The following TATDN2 variants were observed in gnomAD, a reference collection of about 807,000 sequenced individuals.
TATDN2 encodes TatD DNase domain containing 2.
In TATDN2, 44 loss-of-function variants were observed where a neutral mutation model predicts 60.3. That is an observed-to-expected ratio of 0.73 (90% CI 0.57 to 0.94). The LOEUF (loss-of-function observed/expected upper bound fraction) is 0.94. Among genes scored for constraint, TATDN2 ranks in the 40% least tolerant of loss-of-function variants. The pLI is 0.00. For synonymous variants in TATDN2, 399 were observed against 355.8 expected (o/e 1.12, Z -1.37); for missense variants, 997 against 948.0 (o/e 1.05, Z -0.68).
intron 2 of TATDN2, among the ~76,000 whole-genome samples, chr3:10,258,115 A>T (rs1462954320): frequency 6.6e-6 from 1 of 151,482 alleles, no homozygotes; most frequent in Non-Finnish European, 1.5e-5. Flanking sequence ...AAGTGCTGGG[A>T]TTACAGACAT....
Position 10,249,285 on chromosome 3 carries a change from C to A in TATDN2, c.85C>A (p.Pro29Thr). 2 of 1,598,924 alleles carry A rather than the reference C, an allele frequency of 1.3e-6. No individual in the cohort carries two copies. The highest frequency in any genetic ancestry group is 1.7e-6 in the Non-Finnish European group (2 of 1,170,624). ...CCGCAAGCGCAGCTGCCTCCGGGAG[C>A]CCTGTGATGTGGCCCCCTCCAGCCG... ...CPRKRSCLREPCDVAPSSRPA... is the reference protein window; with the variant it reads ...CPRKRSCLRETCDVAPSSRPA... The change falls in exon 2 of 8, where the codon CCC becomes ACC. Residue 29 changes from proline to threonine, a missense_variant. By Grantham distance (38) the Pro-to-Thr change is conservative. Coordinates refer to ENST00000448281, the MANE Select transcript of TATDN2 (RefSeq NM_014760.4).
intron 3 of TATDN2, among the ~76,000 whole-genome samples, chr3:10,261,993 T>A (rs1308390264): frequency 2.0e-5 from 3 of 152,244 alleles, no homozygotes; most frequent in Non-Finnish European, 4.4e-5. Flanking sequence ...CCTTGTATAC[T>A]CTGATCACAT....
intron 2 of TATDN2, among the ~76,000 whole-genome samples, chr3:10,254,307 A>G (rs1435912849): frequency 1.3e-5 from 2 of 152,196 alleles, no homozygotes; most frequent in African/African-American, 4.8e-5. Flanking sequence ...TCCTCACAGA[A>G]GAGGTGACAT....
chr3:10,265,802 AC>A (rs1395580392), intron 3 of TATDN2, among the ~76,000 whole-genome samples: 1 of 151,944 alleles, frequency 6.6e-6, no homozygotes, highest in African/African-American at 2.4e-5. Context: ...CCAAGCATCA[AC>A]TTTTGTCCTT....
chr3:10,259,163 C>T (rs557569933), intron 2 of TATDN2, among the ~76,000 whole-genome samples: 3 of 152,066 alleles, frequency 2.0e-5, no homozygotes, highest in South Asian at 2.1e-4. Flanking sequence ...TGAGCCACCG[C>T]GCCCCGTGTG....
chr3:10,258,572 C>T lies in TATDN2; in HGVS notation c.415-1565C>T, dbSNP rs561664293. The stretch of plus-strand genomic sequence containing the variant: ...TGCAACCTCTGCCTTCCGATTCAAG[C>T]GATTCTTTGCCTCAGCCTCCTGAGT... On this transcript the variant is annotated intron_variant, in intron 2 of 7. Transcript: ENST00000448281. Among the ~76,000 whole-genome samples, 28 of 151,550 alleles carry T rather than the reference C, an allele frequency of 1.8e-4. 1 individual carries two copies. The highest frequency in any genetic ancestry group is 6.1e-4 in the African/African-American group (25 of 41,266).
intron 2 of TATDN2, among the ~76,000 whole-genome samples, chr3:10,259,550 TG>T (rs1412847930): frequency 6.6e-6 from 1 of 152,212 alleles, no homozygotes; most frequent in African/African-American, 2.4e-5. Flanking sequence ...GGTTTGTTGT[TG>T]GGAGCAGTCT....
intron 3 of TATDN2, among the ~76,000 whole-genome samples, chr3:10,264,165 T>C (rs904984367): frequency 6.6e-6 from 1 of 152,210 alleles, no homozygotes; most frequent in Non-Finnish European, 1.5e-5. Flanking sequence ...ATCTAACTCA[T>C]TGGAAACCAG....
chr3:10,276,282 G>C lies in TATDN2; in HGVS notation c.1834-79G>C, dbSNP rs1698635947. On this transcript the variant is annotated intron_variant, in intron 4 of 7. Transcript: ENST00000448281. ...AAAAAGAGAGACACAGGGGGTGCCT[G>C]CTGGACTGGGCGTTCCAGAGGTGAT... The C allele has an allele frequency of 3.9e-6, 6 of 1,549,192 alleles. No homozygotes were observed. In the South Asian group the frequency reaches 7.2e-5, roughly 19 times the overall value.
At position 10,278,527 on chromosome 3, in the gene TATDN2, C is replaced by A; in HGVS notation, c.2145+65C>A. On this transcript the variant is annotated intron_variant, in intron 6 of 7. Transcript: ENST00000448281. This position sits in a 1 kb window ranked among gnomAD's most constrained non-coding sequence, Gnocchi z 4.7. ...GAGGGTGGGGAGGTGGGTGGTCACC[C>A]TTACAAGGTTGGCAGGGCCAGAGCC... 6.3e-7 allele frequency: 1 copy of A among 1,596,142 alleles called. No individual in the cohort carries two copies. Among genetic ancestry groups the A allele is most frequent in the Non-Finnish European group, 8.6e-7 (1 of 1,167,706 alleles).
intron 4 of TATDN2, among the ~76,000 whole-genome samples, chr3:10,274,121 T>G (rs766146128): frequency 6.6e-6 from 1 of 152,206 alleles, no homozygotes; most frequent in Non-Finnish European, 1.5e-5. Context: ...TCATCTGTAC[T>G]TCCTTCACTC....
In TATDN2 at chr3:10,278,608, T is replaced by A. The variant is rs1264098822; in HGVS notation, c.2145+146T>A. The A allele has an allele frequency of 1.7e-6, 2 of 1,173,178 alleles. No homozygotes were observed. The highest frequency in any genetic ancestry group is 2.5e-6 in the Non-Finnish European group (2 of 798,482). 72.7% of individuals were successfully genotyped at this position (1,173,178 alleles called of 1,614,324 possible). On this transcript the variant is annotated intron_variant, in intron 6 of 7. Transcript: ENST00000448281. The surrounding 1 kb of genome is among the most constrained non-coding windows in gnomAD (Gnocchi z 4.7). ...TGTAGATGCCTCCTTGCTGTTACTC[T>A]GCAGAACCAAAAGTCTAGGGGGCTG...
chr3:10,263,732 C>T (rs1222233586), intron 3 of TATDN2, among the ~76,000 whole-genome samples: 1 of 152,000 alleles, frequency 6.6e-6, no homozygotes, highest in Non-Finnish European at 1.5e-5. Flanking sequence ...TTCTTTTGAT[C>T]TCTTCTGTGT....
At position 10,280,278 on chromosome 3, in the gene TATDN2, C is replaced by G. The variant is rs1480960544; in HGVS notation, c.*1096C>G. ...CTCCTGGGTGCCCCCTTGGCTTTGC[C>G]TCTCCTGTGTCCTGTCTTTCTGCGT... On this transcript the variant is annotated 3_prime_UTR_variant, in exon 8 of 8. Coordinates refer to ENST00000448281, the MANE Select transcript of TATDN2 (RefSeq NM_014760.4). 1 of 153,948 alleles carries G rather than the reference C, an allele frequency of 6.5e-6. No individual in the cohort carries two copies. Among genetic ancestry groups the G allele is most frequent in the African/African-American group, 2.4e-5 (1 of 41,466 alleles). The allele number at this position is 153,948 out of a possible 1,614,324, so 9.5% of individuals were successfully genotyped here.
At chr3:10,268,679 G>GT (rs1559463005) in intron 3 of TATDN2, among the ~76,000 whole-genome samples, 1 of 152,180 alleles carries the variant, frequency 6.6e-6, no homozygotes, top group African/African-American at 2.4e-5. Context: ...TTAAAAATCT[G>GT]TTTTTAAAAT....
intron 2 of TATDN2, among the ~76,000 whole-genome samples, chr3:10,259,406 AC>A (rs1698366900): frequency 6.6e-6 from 1 of 152,200 alleles, no homozygotes; most frequent in African/African-American, 2.4e-5. Flanking sequence ...GAGTTCTTAC[AC>A]CCGGCAGGGA....
Position 10,250,217 on chromosome 3 carries a change from A to G in TATDN2, c.414+603A>G, listed in dbSNP as rs143549999. ...TTGGAGGTTAAATTGTTAATTCCCT[A>G]ATGGAAACATGCAAGAGGGTTTCAT... On this transcript the variant is annotated intron_variant, in intron 2 of 7. Coordinates refer to ENST00000448281, the MANE Select transcript of TATDN2 (RefSeq NM_014760.4). Among the ~76,000 whole-genome samples the G allele has an allele frequency of 1.7e-4, 25 of 148,892 alleles. 1 individual carries two copies. Among genetic ancestry groups the G allele is most frequent in the African/African-American group, 4.0e-4 (16 of 39,748 alleles).
Position 10,249,028 on chromosome 3 carries a change from C to T in TATDN2, c.-46C>T. 1.4e-6 allele frequency: 1 copy of T among 697,618 alleles called. No homozygotes were observed. The highest frequency in any genetic ancestry group is 2.1e-6 in the Non-Finnish European group (1 of 486,696). The allele number at this position is 697,618 out of a possible 1,614,324, so 43.2% of individuals were successfully genotyped here. A position where few individuals can be genotyped will look rare whatever the true frequency, so the allele number is the denominator to read the frequency against. On this transcript the variant is annotated 5_prime_UTR_variant, in exon 1 of 8. Coordinates refer to ENST00000448281, the MANE Select transcript of TATDN2 (RefSeq NM_014760.4). ...CCAACACGGTTTGGCATCTCTGAAA[C>T]CTTGAGAACTGTGATGGGCAGTGGA...
At position 10,260,569 on chromosome 3, in the gene TATDN2, C is replaced by T; in HGVS notation, c.847C>T (p.Pro283Ser). The T allele has an allele frequency of 6.2e-7, 1 of 1,614,116 alleles. No individual in the cohort carries two copies. The highest frequency in any genetic ancestry group is 8.5e-7 in the Non-Finnish European group (1 of 1,180,014). ...AGTAGTTATAGACCCTCAAGAGAAA[C>T]CCAGTGAGGAGCCCCTTGGGGACCG... The part of the protein sequence containing the change: ...RRVVIDPQEK[P>S]SEEPLGDRRT... The change falls in exon 3 of 8, where the codon CCC becomes TCC. Residue 283 changes from proline to serine, a missense_variant. Transcript: ENST00000448281.
Sources: gnomAD v4.1 joint callset for allele counts (sites outside exome capture counted in the v4.1 genomes callset) on GRCh38, gnomAD v4.1.1 for gene constraint, Gnocchi (gnomAD v3.1) non-coding constraint, MANE v1.5 for transcripts, NCBI Gene and HGNC (gene_info 2026-07-23, HGNC 2026-07-21) for gene names.